FTO: variants seen among roughly 807,000 people sequenced by gnomAD.
FTO encodes the protein FTO alpha-ketoglutarate dependent dioxygenase, also known as alpha-ketoglutarate-dependent dioxygenase FTO.
A neutral mutation model predicts 63.9 loss-of-function variants in FTO; 47 were observed. The ratio of observed to expected loss-of-function variants is 0.74; its 90% CI spans 0.58 to 0.94. The LOEUF (loss-of-function observed/expected upper bound fraction) is 0.94, where lower values mean the gene tolerates loss of function less well. Ranked by LOEUF, FTO falls within the 40% of genes least tolerant of loss-of-function variation. The pLI, the probability that FTO is intolerant of heterozygous loss-of-function variation, is 0.00. For missense variants in FTO, 562 were observed against 618.1 expected (o/e 0.91, Z 0.96); for synonymous variants, 207 against 224.4 (o/e 0.92, Z 0.69).
chr16:53,932,343 T>C (rs1646840784), intron 7 of FTO, among the ~76,000 whole-genome samples: 1 of 152,156 alleles, frequency 6.6e-6, no homozygotes, highest in Admixed American at 6.5e-5. Flanking sequence ...GACTTACCTG[T>C]TTGTATCAGT....
intron 1 of FTO, among the ~76,000 whole-genome samples, chr16:53,712,434 A>G (rs1361991130): frequency 2.0e-5 from 3 of 152,142 alleles, no homozygotes; most frequent in Non-Finnish European, 4.4e-5. Context: ...TAAGCCTTTA[A>G]TCACTGTTTC....
chr16:54,109,333 C>T (rs1053083466), intron 8 of FTO, among the ~76,000 whole-genome samples: 11 of 151,724 alleles, frequency 7.3e-5, no homozygotes, highest in African/African-American at 1.2e-4. Context: ...TTGTTTTTTT[C>T]TTCTTCTTCT....
chr16:53,831,457 G>GA (rs894736678), intron 3 of FTO, among the ~76,000 whole-genome samples: 1 of 14,616 alleles, frequency 6.8e-5, no homozygotes, highest in Non-Finnish European at 2.0e-4. Context: ...GAAGACCAAA[G>GA]GGGGGGAAAA....
intron 8 of FTO, among the ~76,000 whole-genome samples, chr16:54,002,192 G>A (rs1209111431): frequency 6.6e-6 from 1 of 152,126 alleles, no homozygotes; most frequent in East Asian, 1.9e-4. Flanking sequence ...TTTCCACTTA[G>A]AGGTAGAGAC....
intron 1 of FTO, among the ~76,000 whole-genome samples, chr16:53,707,457 A>C (rs1285487472): frequency 6.6e-6 from 1 of 152,194 alleles, no homozygotes; most frequent in East Asian, 1.9e-4. Flanking sequence ...TTTTCCAAAT[A>C]AGGTTACATT....
At chr16:53,866,867 G>A (rs1357781515) in intron 4 of FTO, among the ~76,000 whole-genome samples, 1 of 151,728 alleles carries the variant, frequency 6.6e-6, no homozygotes, top group East Asian at 1.9e-4. Flanking sequence ...ATCTCATCGA[G>A]GTGCATTAAC....
chr16:53,877,775 T>G (rs2080701082), intron 5 of FTO, among the ~76,000 whole-genome samples: 1 of 152,084 alleles, frequency 6.6e-6, no homozygotes, highest in African/African-American at 2.4e-5. Context: ...TATAGATTAT[T>G]TACATAAAAC....
chr16:53,894,592 C>T (rs1203883848), intron 7 of FTO, among the ~76,000 whole-genome samples: 2 of 151,316 alleles, frequency 1.3e-5, no homozygotes, highest in Non-Finnish European at 2.9e-5. Flanking sequence ...ATATAAATAT[C>T]GAATTTTTTT....
At chr16:53,815,113 C>T (rs1051951886) in intron 2 of FTO, among the ~76,000 whole-genome samples, 6 of 150,970 alleles carry the variant, frequency 4.0e-5, no homozygotes, top group Non-Finnish European at 7.4e-5. Flanking sequence ...GAGAGAGGCC[C>T]GGTTATACGA....
intron 8 of FTO, among the ~76,000 whole-genome samples, chr16:54,099,418 A>C (rs1373652482): frequency 6.6e-6 from 1 of 152,162 alleles, no homozygotes; most frequent in Non-Finnish European, 1.5e-5. Context: ...GTTCCATAGC[A>C]TTGTGTGCTG....
chr16:53,890,244 AT>A (rs1210390200), intron 7 of FTO, among the ~76,000 whole-genome samples: 1 of 152,144 alleles, frequency 6.6e-6, no homozygotes, highest in African/African-American at 2.4e-5. Context: ...TCCCTATTTT[AT>A]TTTTTTAAAG....
intron 1 of FTO, among the ~76,000 whole-genome samples, chr16:53,756,465 A>G (rs1567959238): frequency 6.6e-6 from 1 of 152,160 alleles, no homozygotes; most frequent in Non-Finnish European, 1.5e-5. Context: ...CAGAGTGTTT[A>G]TATTTTGCCT....
rs998586583 is a variant in FTO at position 53,932,986 on chromosome 16, A to T, written c.1240-999A>T. On this transcript the variant is annotated intron_variant, in intron 7 of 8. Coordinates refer to ENST00000471389, the MANE Select transcript of FTO (RefSeq NM_001080432.3). ...AGTCCCTCTAAGACTTTATACCATG[A>T]AAGAAAAGACTTTGTAAGAAGAGAT... is the stretch of plus-strand genomic sequence containing the variant. Among the ~76,000 whole-genome samples, 94 of 152,198 alleles carry T rather than the reference A, an allele frequency of 6.2e-4. 4 individuals carry two copies.
chr16:53,816,581 G>A (rs1468817265), intron 2 of FTO, among the ~76,000 whole-genome samples: 1 of 149,340 alleles, frequency 6.7e-6, no homozygotes, highest in African/African-American at 2.5e-5. Flanking sequence ...CAAGGCCTTT[G>A]CACTGAATGT....
At chr16:53,902,924 A>T (rs1156561506) in intron 7 of FTO, among the ~76,000 whole-genome samples, 1 of 152,196 alleles carries the variant, frequency 6.6e-6, no homozygotes, top group African/African-American at 2.4e-5. Flanking sequence ...GACCAGCAAC[A>T]TAGCAAGACC....
chr16:53,923,478 T>C (rs1353350289), intron 7 of FTO, among the ~76,000 whole-genome samples: 2 of 152,174 alleles, frequency 1.3e-5, no homozygotes, highest in African/African-American at 4.8e-5. Flanking sequence ...TCTTTGGCAA[T>C]TAATCATGTA....
At chr16:54,102,983 T>G (rs1441464290) in intron 8 of FTO, among the ~76,000 whole-genome samples, 1 of 151,950 alleles carries the variant, frequency 6.6e-6, no homozygotes, top group Non-Finnish European at 1.5e-5. Flanking sequence ...GGAGATGCTA[T>G]CTCTACAAAA....
chr16:53,851,473 GA>G (rs891241684), intron 4 of FTO, among the ~76,000 whole-genome samples: 53 of 149,954 alleles, frequency 3.5e-4, no homozygotes, highest in Admixed American at 6.0e-4. Flanking sequence ...AAAAAAAAAG[GA>G]AAAAAAATAA....
chr16:53,766,795 T>G (rs2077215853), intron 1 of FTO, among the ~76,000 whole-genome samples: 1 of 152,182 alleles, frequency 6.6e-6, no homozygotes, highest in African/African-American at 2.4e-5. Flanking sequence ...AATGAAGTTT[T>G]AGGCCTCAGC....
Sources: gnomAD v4.1 joint callset for allele counts (sites outside exome capture counted in the v4.1 genomes callset) on GRCh38, gnomAD v4.1.1 for gene constraint, MANE v1.5 for transcripts, NCBI Gene and HGNC (gene_info 2026-07-23, HGNC 2026-07-21) for gene names.